STAG2: variants seen among roughly 807,000 people sequenced by gnomAD.
The protein encoded by STAG2 is STAG2 cohesin complex component.
STAG2 carries 14 observed loss-of-function variants against 108.1 expected under a neutral mutation model. That is an observed-to-expected ratio of 0.13 (90% CI 0.09 to 0.20). The LOEUF is 0.20. Ranked by LOEUF, STAG2 falls within the 10% of genes least tolerant of loss-of-function variation. STAG2 has a pLI of 1.00. For synonymous variants in STAG2, 307 were observed against 302.7 expected, an observed-to-expected ratio of 1.01 and a Z score of -0.15; for missense variants, 440 against 940.9, an observed-to-expected ratio of 0.47 and a Z score of 6.96.
At chrX:124,024,323 C>T (rs1304968062) in intron 3 of STAG2, among the ~76,000 whole-genome samples, 1 of 110,862 alleles carries the variant, frequency 9.0e-6, no homozygotes, top group Non-Finnish European at 1.9e-5. Context: ...TCCTACGAAA[C>T]GCTTGGGAAG....
At chrX:123,991,742 G>A (rs1364240564) in intron 1 of STAG2, among the ~76,000 whole-genome samples, 2 of 107,901 alleles carry the variant, frequency 1.9e-5, no homozygotes, top group African/African-American at 3.4e-5. Context: ...TCGGCTCACC[G>A]CAACCTCCGC....
At chrX:124,083,991 A>G (rs2059030129) in intron 29 of STAG2, among the ~76,000 whole-genome samples, 1 of 111,419 alleles carries the variant, frequency 9.0e-6, no homozygotes, top group African/African-American at 3.3e-5. Flanking sequence ...AAGAATAATA[A>G]AGGCAATCCA....
Position 124,097,269 on chromosome X carries a change from A to C in STAG2, c.3783+1820A>C, listed in dbSNP as rs1045474941. 2.7e-5 allele frequency among the ~76,000 whole-genome samples: 3 copies of C among 109,197 alleles called. No individual in the cohort carries two copies. In the South Asian group the frequency reaches 1.2e-3, roughly 43 times the overall value. The allele number at this position is 109,197 out of a possible 115,157, so 94.8% of individuals were successfully genotyped here. A position where few individuals can be genotyped will look rare whatever the true frequency, so the allele number is the denominator to read the frequency against. Reference sequence around the variant, plus strand: ...TTCTGCACTGCTAACAAATGCTGTCAGTGCTTCAGGTCTGCAAACCATACT... The same window carrying C: ...TTCTGCACTGCTAACAAATGCTGTCCGTGCTTCAGGTCTGCAAACCATACT... On this transcript the variant is annotated intron_variant, in intron 34 of 34. Transcript: ENST00000371145.
chrX:124,069,293 G>A (rs931779409), intron 24 of STAG2, among the ~76,000 whole-genome samples: 1 of 112,019 alleles, frequency 8.9e-6, no homozygotes, highest in African/African-American at 3.2e-5. Context: ...ATGCTTTTAT[G>A]GGAAGATGTT....
intron 9 of STAG2, among the ~76,000 whole-genome samples, chrX:124,048,659 A>G (rs1359831984): frequency 1.8e-5 from 2 of 111,127 alleles, no homozygotes. Context: ...CGAACTCCTG[A>G]CCTCAAGTGA....
intron 3 of STAG2, 59 bp from the exon 4 acceptor site, chrX:124,025,781 A>G: frequency 1.1e-6 from 1 of 885,069 alleles, no homozygotes; most frequent in Admixed American, 3.1e-5. Flanking sequence ...TATGGCAAAA[A>G]TTAGAAACTC....
chrX:124,052,342 C>T (rs919632191), intron 13 of STAG2, among the ~76,000 whole-genome samples: 5 of 111,888 alleles, frequency 4.5e-5, no homozygotes, highest in African/African-American at 1.6e-4. Context: ...TCATTGTCCC[C>T]TTTCCCCAGA....
chrX:124,023,972 A>G lies in STAG2; in HGVS notation c.44+1301A>G, dbSNP rs765254538. ...CAGGTCACTGAATGGTTAATACAGT[A>G]TGTTTAATAAACATAACTGTTATTT... is the stretch of plus-strand genomic sequence containing the variant. On this transcript the variant is annotated intron_variant, in intron 3 of 34. Transcript: ENST00000371145. Among the ~76,000 whole-genome samples, 506 of 111,887 alleles carry G rather than the reference A, an allele frequency of 4.5e-3. 2 individuals are homozygous for G. The highest frequency in any genetic ancestry group is 0.012 in the African/African-American group (377 of 30,808).
rs1044581188 is a variant in STAG2 at position 124,030,922 on chromosome X, A to T, written c.124-39A>T. Reference sequence around the variant, plus strand: ...GTAGCTGTGTTTTGAACTCTCAAGGATAGTGATATAACTTAACCACCTCGT... The same window carrying T: ...GTAGCTGTGTTTTGAACTCTCAAGGTTAGTGATATAACTTAACCACCTCGT... On this transcript the variant is annotated intron_variant, in intron 4 of 34. Transcript: ENST00000371145. 4.3e-6 allele frequency: 5 copies of T among 1,155,580 alleles called. No homozygotes were observed. In the African/African-American group the frequency reaches 9.1e-5, roughly 21 times the overall value.
chrX:124,044,067 T>C (rs1266593745), intron 7 of STAG2, among the ~76,000 whole-genome samples: 1 of 111,346 alleles, frequency 9.0e-6, no homozygotes, highest in Non-Finnish European at 1.9e-5. Context: ...TTCTAAAAGA[T>C]AGATGAGTTA....
chrX:124,049,424 G>T (rs1240615708), intron 10 of STAG2, among the ~76,000 whole-genome samples: 1 of 112,113 alleles, frequency 8.9e-6, no homozygotes, highest in East Asian at 2.8e-4. Context: ...TTGAATATCA[G>T]TGGGAACAAT....
At chrX:123,989,054 A>G (rs191277023) in intron 1 of STAG2, among the ~76,000 whole-genome samples, 1 of 111,472 alleles carries the variant, frequency 9.0e-6, no homozygotes, top group African/African-American at 3.3e-5. Flanking sequence ...CCTGTACTGT[A>G]TGTAATTCCT....
At chrX:124,041,558 A>G (rs1198573401) in intron 6 of STAG2, among the ~76,000 whole-genome samples, 6 of 111,360 alleles carry the variant, frequency 5.4e-5, no homozygotes, top group Non-Finnish European at 1.1e-4. Context: ...TTTAGATATT[A>G]CTATATTTAT....
chrX:124,084,122 T>C (rs1341988961), intron 29 of STAG2, among the ~76,000 whole-genome samples: 2 of 112,025 alleles, frequency 1.8e-5, no homozygotes, highest in Non-Finnish European at 3.8e-5. Context: ...CCTTTCGCCA[T>C]GGCTTTGAGG....
intron 29 of STAG2, among the ~76,000 whole-genome samples, chrX:124,086,130 T>C (rs2059098478): frequency 2.5e-5 from 2 of 80,983 alleles, no homozygotes; most frequent in Non-Finnish European, 4.8e-5. Context: ...CCTCATAGAA[T>C]TGTAAGAATA....
Position 124,041,689 on chromosome X carries a change from C to T in STAG2, c.386-880C>T, listed in dbSNP as rs538507923. Among the ~76,000 whole-genome samples the T allele has an allele frequency of 5.4e-5, 6 of 111,070 alleles. No homozygotes were observed. In the South Asian group the frequency reaches 2.3e-3, roughly 42 times the overall value. On this transcript the variant is annotated intron_variant, in intron 6 of 34. Coordinates refer to ENST00000371145, the MANE Select transcript of STAG2 (RefSeq NM_001042750.2). ...CTCTCTCTTTCTCAGTCTGATGCCCCATCAGTGGAAGTTCATGTATCTCTT... is the reference window on the plus strand; with the variant it reads ...CTCTCTCTTTCTCAGTCTGATGCCCTATCAGTGGAAGTTCATGTATCTCTT...
intron 7 of STAG2, among the ~76,000 whole-genome samples, chrX:124,042,871 C>T (rs1017420111): frequency 5.6e-5 from 6 of 107,360 alleles, no homozygotes; most frequent in South Asian, 4.3e-4. Context: ...AAAAATTAGC[C>T]GGGAGTCGTG....
At position 124,028,278 on chromosome X, in the gene STAG2, C is replaced by T. The variant is rs1216476223; in HGVS notation, c.123+2360C>T. Among the ~76,000 whole-genome samples the T allele has an allele frequency of 9.9e-5, 11 of 110,880 alleles. No individual in the cohort carries two copies. In the Admixed American group the frequency reaches 1.1e-3, roughly 11 times the overall value. ...TGGATGCCTGAAATTGCGGATAGTA[C>T]AGAACCTTGCATATTGAATTTTTTC... On this transcript the variant is annotated intron_variant, in intron 4 of 34. Coordinates refer to ENST00000371145, the MANE Select transcript of STAG2 (RefSeq NM_001042750.2).
intron 1 of STAG2, among the ~76,000 whole-genome samples, chrX:123,998,594 CT>C (rs1569497536): frequency 1.1e-4 from 9 of 79,217 alleles, no homozygotes; most frequent in East Asian, 8.2e-4. Flanking sequence ...ATCCATCTAT[CT>C]ATCTATCTAT....
Sources: allele counts gnomAD v4.1 joint callset (sites outside exome capture counted in the v4.1 genomes callset), GRCh38; gene constraint gnomAD v4.1.1; transcripts MANE v1.5; gene names NCBI Gene and HGNC (gene_info 2026-07-23, HGNC 2026-07-21).